HECTD4: variants seen among roughly 807,000 people sequenced by gnomAD.
HECTD4 encodes the protein HECT domain E3 ubiquitin protein ligase 4.
A neutral mutation model predicts 471.5 loss-of-function variants in HECTD4; 114 were observed. That is an observed-to-expected ratio of 0.24 (90% confidence interval 0.21 to 0.28). The LOEUF (loss-of-function observed/expected upper bound fraction) is 0.28. Ranked by LOEUF, HECTD4 falls within the 10% of genes least tolerant of loss-of-function variation. The probability of loss-of-function intolerance (pLI) is 1.00; values close to 1 mark genes in which losing one functional copy is unlikely to be tolerated. For missense variants in HECTD4, 3,866 were observed against 5,651.5 expected, an observed-to-expected ratio of 0.68 and a Z score of 10.13; for synonymous variants, 2,012 against 2,256.0, an observed-to-expected ratio of 0.89 and a Z score of 3.07.
Position 112,193,075 on chromosome 12 carries a change from A to C in HECTD4, c.9072T>G (p.Ser3024=), listed in dbSNP as rs776133339. The C allele has an allele frequency of 8.1e-6, 13 of 1,614,050 alleles. No individual in the cohort carries two copies. The South Asian group carries it at 1.2e-4, about 15-fold the overall frequency. The part of the protein sequence containing the change: ...FVVVSCKESQ[S]GFRKDSSLYK... The stretch of plus-strand genomic sequence containing the variant: ...AGGCAACTTACTCTTTGCGGAATCC[A>C]GATTGACTTTCTTTACAAGACACAA... The change falls in exon 58 of 76, where the codon TCT becomes TCG. Residue 3024 remains serine, a synonymous_variant. Coordinates refer to ENST00000682272, the MANE Select transcript of HECTD4 (RefSeq NM_001388303.1). This position sits in a 1 kb window ranked among gnomAD's most constrained non-coding sequence, Gnocchi z 5.2.
At chr12:112,296,140 G>A (rs1282719673) in intron 7 of HECTD4, among the ~76,000 whole-genome samples, 2 of 152,140 alleles carry the variant, frequency 1.3e-5, no homozygotes, top group African/African-American at 4.8e-5. Flanking sequence ...TGCAGAGGGT[G>A]TAGGTGCAGC....
intron 4 of HECTD4, 144 bp from the exon 5 acceptor site, chr12:112,309,813 C>A: frequency 1.9e-6 from 1 of 518,248 alleles, no homozygotes. Context: ...ATGTGACTTT[C>A]AGGGAAGATG....
intron 1 of HECTD4, among the ~76,000 whole-genome samples, chr12:112,379,650 A>C (rs2036852539): frequency 6.6e-6 from 1 of 151,778 alleles, no homozygotes; most frequent in Admixed American, 6.6e-5. Context: ...GCTGAGATGG[A>C]GCCACTGCAC....
intron 71 of HECTD4, 77 bp downstream of exon 71, chr12:112,167,737 A>AT: frequency 7.5e-7 from 1 of 1,336,698 alleles, no homozygotes; most frequent in Non-Finnish European, 1.1e-6. Context: ...TTGATGAGAC[A>AT]CACACTGCCC....
chr12:112,170,794 G>T, intron 68 of HECTD4: 1 of 452,548 alleles, frequency 2.2e-6, no homozygotes, highest in Non-Finnish European at 3.9e-6. Flanking sequence ...GAAGGAGAGA[G>T]ACTCATCTGT....
At chr12:112,273,871 C>T (rs557799832) in intron 10 of HECTD4, 76 bp from the exon 11 acceptor site, 2 of 1,535,356 alleles carry the variant, frequency 1.3e-6, no homozygotes, top group Admixed American at 3.4e-5. Flanking sequence ...AGCACTGCTA[C>T]AAAGTGGAAG....
At chr12:112,276,710 C>T (rs2034534943) in intron 9 of HECTD4, among the ~76,000 whole-genome samples, 1 of 152,196 alleles carries the variant, frequency 6.6e-6, no homozygotes, top group Admixed American at 6.5e-5. Flanking sequence ...CTCCCAAGTG[C>T]TGGGATTACA....
chr12:112,178,041 C>T (rs1716088764), intron 64 of HECTD4, among the ~76,000 whole-genome samples: 1 of 152,152 alleles, frequency 6.6e-6, no homozygotes, highest in Non-Finnish European at 1.5e-5. Flanking sequence ...ATGCAAGGGG[C>T]AATTCAATTT....
chr12:112,325,103 T>G (rs1459996083), intron 1 of HECTD4, among the ~76,000 whole-genome samples: 1 of 152,214 alleles, frequency 6.6e-6, no homozygotes, highest in Non-Finnish European at 1.5e-5. Context: ...CATAAAATGA[T>G]GTGTATGACA....
intron 18 of HECTD4, 149 bp downstream of exon 18, chr12:112,261,156 G>C (rs2034137652): frequency 1.3e-6 from 1 of 745,600 alleles, no homozygotes; most frequent in South Asian, 3.4e-5. Context: ...GACTGCACTT[G>C]GCTTTCAAAC....
chr12:112,295,519 T>C (rs1394753927), intron 7 of HECTD4, among the ~76,000 whole-genome samples: 2 of 150,894 alleles, frequency 1.3e-5, no homozygotes, highest in East Asian at 1.9e-4. Context: ...TTTTTTTTTT[T>C]AGTAGAGACA....
intron 71 of HECTD4, 74 bp downstream of exon 71, chr12:112,167,740 C>T: frequency 1.5e-6 from 2 of 1,347,762 alleles, no homozygotes; most frequent in East Asian, 4.6e-5. Flanking sequence ...ATGAGACACA[C>T]ACTGCCCGCC....
At position 112,184,561 on chromosome 12, in the gene HECTD4, T is replaced by C. The variant is rs1340121983; in HGVS notation, c.10405A>G (p.Met3469Val). The C allele has an allele frequency of 2.5e-6, 4 of 1,613,444 alleles. No individual in the cohort carries two copies. Among genetic ancestry groups the C allele is most frequent in the Non-Finnish European group, 3.4e-6 (4 of 1,179,830 alleles). Residue 3469 changes from methionine (M) to valine (V), a missense_variant, in exon 61 of 76, where the codon ATG (methionine) becomes GTG (valine). By Grantham distance (21) the Met-to-Val change is conservative. Around this residue, in one of 16 missense-constraint regions of HECTD4, gnomAD observed 192 missense variants for 189.9 expected, o/e 1.01. Transcript: ENST00000682272. This position sits in a 1 kb window ranked among gnomAD's most constrained non-coding sequence, Gnocchi z 9.1. ...AGGCTGCTGGACGTGCTGACCTCCA[T>C]GCTGTCTGTGCCGGGGAAGGCCAGT... Reference protein sequence around the residue: ...KTLAFPGTDSMEVSTSSSLTP... With the variant: ...KTLAFPGTDSVEVSTSSSLTP...
chr12:112,201,635 G>T (rs927395752), intron 54 of HECTD4, among the ~76,000 whole-genome samples: 1 of 151,978 alleles, frequency 6.6e-6, no homozygotes, highest in African/African-American at 2.4e-5. Flanking sequence ...AAAGACATCT[G>T]CTTAGTACTG....
intron 2 of HECTD4, among the ~76,000 whole-genome samples, chr12:112,317,274 G>A (rs956326322): frequency 6.6e-6 from 1 of 152,152 alleles, no homozygotes; most frequent in African/African-American, 2.4e-5. Context: ...ACAAACCACA[G>A]TTTTAGGGGA....
At chr12:112,211,011 T>A (rs2032745474) in intron 49 of HECTD4, among the ~76,000 whole-genome samples, 1 of 152,198 alleles carries the variant, frequency 6.6e-6, no homozygotes. Flanking sequence ...ATCAGACACA[T>A]GGTACAGGGC....
chr12:112,177,528 C>T (rs550914260), intron 64 of HECTD4, among the ~76,000 whole-genome samples: 1 of 152,028 alleles, frequency 6.6e-6, no homozygotes, highest in African/African-American at 2.4e-5. Context: ...TACAGGCACT[C>T]GCCACCACGC....
At chr12:112,248,569 T>C in intron 25 of HECTD4, 57 bp from the exon 26 acceptor site, 1 of 1,129,968 alleles carries the variant, frequency 8.8e-7, no homozygotes, top group Non-Finnish European at 1.2e-6. Context: ...TTCTCAATAC[T>C]GTATTTTATT....
intron 16 of HECTD4, among the ~76,000 whole-genome samples, chr12:112,264,892 G>T (rs1318682197): frequency 1.3e-5 from 2 of 152,188 alleles, no homozygotes; most frequent in African/African-American, 2.4e-5. Flanking sequence ...AGCCTCCTGA[G>T]TAGCTGGGAT....
Sources: gnomAD v4.1 joint callset for allele counts (sites outside exome capture counted in the v4.1 genomes callset) on GRCh38, gnomAD v4.1.1 for gene constraint, gnomAD v4.1.1 regional missense constraint, Gnocchi (gnomAD v3.1) non-coding constraint, MANE v1.5 for transcripts, NCBI Gene and HGNC (gene_info 2026-07-23, HGNC 2026-07-21) for gene names.